The following CELF2 variants were observed in gnomAD, a reference collection of about 807,000 sequenced individuals.
CELF2 encodes CUG triplet repeat RNA-binding protein 2.
A neutral mutation model predicts 62.6 loss-of-function variants in CELF2; 8 were observed. The observed-to-expected ratio is 0.13, with a 90% CI of 0.07 to 0.23. CELF2 has a LOEUF of 0.23. CELF2 is among the 10% of genes least tolerant of loss of function. CELF2 has a pLI of 1.00. For synonymous variants in CELF2, 258 were observed against 250.0 expected (o/e 1.03, Z -0.30); for missense variants, 333 against 671.0 (o/e 0.50, Z 5.56).
chr10:10,984,226 TCCAAGC>T (rs2052477411), intron 2 of CELF2, among the ~76,000 whole-genome samples: 1 of 152,208 alleles, frequency 6.6e-6, no homozygotes, highest in African/African-American at 2.4e-5. Context: ...AGAGATCCGC[TCCAAGC>T]CCTATCTTAC....
chr10:10,551,410 G>A, the CELF2 span, among the ~76,000 whole-genome samples: 2 of 152,114 alleles, frequency 1.3e-5, no homozygotes, highest in Non-Finnish European at 2.9e-5. Context: ...AGACTCCCAC[G>A]TAATGGCTCT....
chr10:10,856,013 G>A (rs2132963369), intron 1 of CELF2, among the ~76,000 whole-genome samples: 1 of 152,246 alleles, frequency 6.6e-6, no homozygotes, highest in Admixed American at 6.5e-5. Context: ...TATTTGGGAA[G>A]AAAAGAACTA....
the CELF2 span, among the ~76,000 whole-genome samples, chr10:10,774,883 AT>A: frequency 0.18 from 25,748 of 145,296 alleles, 2,664 homozygotes; most frequent in African/African-American, 0.3. Context: ...TTATTTATTT[AT>A]TTTTTTTTTT....
chr10:10,472,106 A>G, the CELF2 span, among the ~76,000 whole-genome samples: 3 of 151,784 alleles, frequency 2.0e-5, no homozygotes, highest in Non-Finnish European at 2.9e-5. Flanking sequence ...TTTGACATTC[A>G]TTAAGTTTTC....
intron 1 of CELF2, among the ~76,000 whole-genome samples, chr10:10,841,761 T>G (rs1221499231): frequency 2.0e-5 from 3 of 152,158 alleles, no homozygotes; most frequent in African/African-American, 7.2e-5. Context: ...TGGTCTCTTG[T>G]CTTTACATTT....
intron 1 of CELF2, among the ~76,000 whole-genome samples, chr10:10,893,114 G>C (rs1444301466): frequency 2.0e-5 from 3 of 152,178 alleles, no homozygotes; most frequent in East Asian, 3.8e-4. Context: ...GGAATTAACT[G>C]CCCTTTAAAA....
the CELF2 span, among the ~76,000 whole-genome samples, chr10:10,746,339 A>G: frequency 9.6e-6 from 1 of 103,708 alleles, no homozygotes; most frequent in Admixed American, 1.0e-4. Context: ...TTCATTCACC[A>G]AAATTTGTTA....
intron 2 of CELF2, among the ~76,000 whole-genome samples, chr10:10,937,138 T>C (rs2046496612): frequency 1.4e-5 from 2 of 145,192 alleles, no homozygotes; most frequent in South Asian, 4.5e-4. Context: ...TTTTTTTTTT[T>C]TTTTTCGTGA....
At chr10:10,470,085 C>G in the CELF2 span, among the ~76,000 whole-genome samples, 1 of 151,924 alleles carries the variant, frequency 6.6e-6, no homozygotes, top group Admixed American at 6.6e-5. Flanking sequence ...AGGAATAATG[C>G]AAACATTGTA....
the CELF2 span, among the ~76,000 whole-genome samples, chr10:10,739,619 A>G: frequency 6.6e-6 from 1 of 152,200 alleles, no homozygotes; most frequent in Non-Finnish European, 1.5e-5. Flanking sequence ...GAACATATTC[A>G]TATTTCACCA....
chr10:10,521,078 A>G, the CELF2 span, among the ~76,000 whole-genome samples: 4 of 152,206 alleles, frequency 2.6e-5, no homozygotes, highest in Non-Finnish European at 5.9e-5. Context: ...TGAGACAAGC[A>G]GGGTCAGCAC....
the CELF2 span, among the ~76,000 whole-genome samples, chr10:10,793,103 T>C: frequency 6.6e-6 from 1 of 152,266 alleles, no homozygotes; most frequent in East Asian, 1.9e-4. Flanking sequence ...ATGTAGCAGG[T>C]TTTGTAGCTG....
chr10:10,515,662 T>C, the CELF2 span, among the ~76,000 whole-genome samples: 1 of 152,146 alleles, frequency 6.6e-6, no homozygotes, highest in African/African-American at 2.4e-5. Flanking sequence ...CCAGAGGGAA[T>C]TCATGACTCA....
intron 2 of CELF2, among the ~76,000 whole-genome samples, chr10:10,924,724 C>CTTTTTGTTTTTTT (rs2065287371): frequency 1.1e-5 from 1 of 89,146 alleles, no homozygotes. Context: ...AACTTGATCG[C>CTTTTTGTTTTTTT]TTTTTTTTTT....
intron 2 of CELF2, among the ~76,000 whole-genome samples, chr10:10,921,779 G>A (rs1256872690): frequency 6.6e-6 from 1 of 151,662 alleles, no homozygotes; most frequent in South Asian, 2.1e-4. Context: ...CAGTGTGTGG[G>A]ACTGGGGCCT....
chr10:11,101,360 A>C (rs968235026), intron 1 of CELF2, among the ~76,000 whole-genome samples: 2 of 152,210 alleles, frequency 1.3e-5, no homozygotes, highest in Non-Finnish European at 2.9e-5. Flanking sequence ...GTAAATGGTG[A>C]CTGTATATAG....
intron 9 of CELF2, among the ~76,000 whole-genome samples, chr10:11,310,764 C>G (rs1395879613): frequency 6.6e-6 from 1 of 151,648 alleles, no homozygotes; most frequent in Non-Finnish European, 1.5e-5. Flanking sequence ...ATAGGAGAGA[C>G]TTCTATTTCT....
chr10:10,734,288 G>A, the CELF2 span, among the ~76,000 whole-genome samples: 25 of 152,280 alleles, frequency 1.6e-4, no homozygotes, highest in Non-Finnish European at 3.5e-4. Flanking sequence ...GAGGATTGTT[G>A]TTAAATTTGG....
At position 10,814,214 on chromosome 10, in the gene CELF2, T is replaced by TAAAAAAAAAAAAA. The variant is rs759524110; in HGVS notation, c.53+15411_53+15423dup. On this transcript the variant is annotated intron_variant, in intron 1 of 13. Transcript: ENST00000636488. ...AAGGAAGAAAGGGAAAGAAGAGTCC[T>TAAAAAAAAAAAAA]AAAAAAAAAAAAAAAAAAAAAAAAA... Among the ~76,000 whole-genome samples, 4 of 44,434 alleles carry TAAAAAAAAAAAAA rather than the reference T, an allele frequency of 9.0e-5. 1 individual carries two copies. The highest frequency in any genetic ancestry group is 1.6e-3 in the South Asian group (1 of 622). The allele number at this position is 44,434 out of a possible 152,430, so 29.2% of individuals were successfully genotyped here.
Sources: gnomAD v4.1 joint callset for allele counts (sites outside exome capture counted in the v4.1 genomes callset) on GRCh38, gnomAD v4.1.1 for gene constraint, MANE v1.5 for transcripts, NCBI Gene and HGNC (gene_info 2026-07-23, HGNC 2026-07-21) for gene names.